WBP2NL: variants seen among roughly 807,000 people sequenced by gnomAD.
WBP2NL encodes the protein WBP2 N-terminal like.
WBP2NL carries 27 observed loss-of-function variants against 23.3 expected under a neutral mutation model. That is an observed-to-expected ratio of 1.16 (90% CI 0.85 to 1.60). WBP2NL has a LOEUF of 1.60. Ranked by LOEUF, WBP2NL falls within the 40% of genes most tolerant of loss-of-function variation. The probability of loss-of-function intolerance (pLI) is 0.00; values close to 1 mark genes in which losing one functional copy is unlikely to be tolerated. For synonymous variants in WBP2NL, 151 were observed against 145.9 expected (o/e 1.03, Z -0.25); for missense variants, 370 against 389.5 (o/e 0.95, Z 0.42).
downstream of WBP2NL, among the ~76,000 whole-genome samples, chr22:42,034,770 T>C (rs563146676): frequency 5.9e-5 from 9 of 152,322 alleles, no homozygotes; most frequent in Non-Finnish European, 1.3e-4. Context: ...TCAGGGACTT[T>C]CCATGCTGAG....
At chr22:42,032,595 C>G, downstream of WBP2NL, 1 of 266,618 alleles carries the variant, frequency 3.8e-6, no homozygotes. Context: ...AAGCCCAATT[C>G]AAATTAATAA....
At chr22:42,043,194 A>G (rs568021402) in intron 8 of WBP2NL, among the ~76,000 whole-genome samples, 4 of 152,208 alleles carry the variant, frequency 2.6e-5, no homozygotes, top group East Asian at 3.9e-4. Context: ...TGGCAGCTCC[A>G]GGTTCATGGA....
chr22:42,041,322 A>G (rs1192516838), intron 8 of WBP2NL, among the ~76,000 whole-genome samples: 1 of 151,976 alleles, frequency 6.6e-6, no homozygotes, highest in Admixed American at 6.6e-5. Flanking sequence ...TCTCTACTAA[A>G]AATATATAAA....
At chr22:42,056,090 C>G (rs955196783) in intron 8 of WBP2NL, among the ~76,000 whole-genome samples, 21 of 152,130 alleles carry the variant, frequency 1.4e-4, no homozygotes, top group Admixed American at 9.8e-4. Flanking sequence ...TCTTAAGTCT[C>G]TTTTGTTCCA....
intron 1 of WBP2NL, among the ~76,000 whole-genome samples, chr22:42,011,571 G>T (rs1274127137): frequency 6.6e-6 from 1 of 151,816 alleles, no homozygotes; most frequent in African/African-American, 2.4e-5. Flanking sequence ...TTTGGTTACT[G>T]ATTCAATTTC....
At chr22:42,056,569 A>G (rs558203796) in intron 8 of WBP2NL, among the ~76,000 whole-genome samples, 2 of 152,272 alleles carry the variant, frequency 1.3e-5, no homozygotes, top group African/African-American at 2.4e-5. Flanking sequence ...GTGGCTAGAG[A>G]TGAACTCTGT....
chr22:42,020,909 T>TATATATATATATATATA (rs1237871030), intron 4 of WBP2NL, among the ~76,000 whole-genome samples: 1 of 27,926 alleles, frequency 3.6e-5, no homozygotes, highest in Non-Finnish European at 7.5e-5. Context: ...TATATATATA[T>TATATATATATATATATA]TTTTTTTTTT....
chr22:41,998,919 G>A lies in WBP2NL; in HGVS notation c.62+39G>A, dbSNP rs373129871. The A allele has an allele frequency of 1.1e-5, 17 of 1,584,926 alleles. No individual in the cohort carries two copies. The African/African-American group carries it at 2.0e-4, about 19-fold the overall frequency. On this transcript the variant is annotated intron_variant, in intron 1 of 5. Transcript: ENST00000328823. Reference sequence around the variant, plus strand: ...AGCACGGCGTGCTGTCGGAGGAGAGGAGACGAATGAGATAGACATGGCGGC... The same window carrying A: ...AGCACGGCGTGCTGTCGGAGGAGAGAAGACGAATGAGATAGACATGGCGGC...
At chr22:42,005,130 T>C (rs1922096241) in intron 1 of WBP2NL, among the ~76,000 whole-genome samples, 1 of 151,686 alleles carries the variant, frequency 6.6e-6, no homozygotes, top group African/African-American at 2.4e-5. Context: ...GGCAGGAGAA[T>C]CACTTGAACC....
chr22:42,023,804 CT>C (rs568447219), intron 5 of WBP2NL, among the ~76,000 whole-genome samples: 7 of 151,236 alleles, frequency 4.6e-5, no homozygotes, highest in South Asian at 2.1e-4. Context: ...CCCTGCCAGC[CT>C]TTTTTTTTAA....
chr22:42,004,293 T>C (rs1921999123), intron 1 of WBP2NL, among the ~76,000 whole-genome samples: 1 of 150,738 alleles, frequency 6.6e-6, no homozygotes, highest in South Asian at 2.1e-4. Flanking sequence ...ATAAATAAAA[T>C]TTAAAAAGAA....
At chr22:42,032,557 A>T (rs1053782031), downstream of WBP2NL, 1 of 253,160 alleles carries the variant, frequency 4.0e-6, no homozygotes, top group Non-Finnish European at 8.5e-6. Flanking sequence ...TTGCTTGAAA[A>T]TCATGTATGT....
At chr22:42,043,752 A>G (rs966423287) in intron 8 of WBP2NL, among the ~76,000 whole-genome samples, 4 of 150,526 alleles carry the variant, frequency 2.7e-5, no homozygotes, top group African/African-American at 4.9e-5. Flanking sequence ...TTTGAGATGG[A>G]GTCTTGCTCT....
At position 42,022,271 on chromosome 22, in the gene WBP2NL, A is replaced by G; in HGVS notation, c.429A>G (p.Arg143=). 1 of 1,614,198 alleles carries G rather than the reference A, an allele frequency of 6.2e-7. No individual in the cohort carries two copies. Among genetic ancestry groups the G allele is most frequent in the Non-Finnish European group, 8.5e-7 (1 of 1,180,036 alleles). ...CAGCTGCCCGAGGATTTCCACTTAG[A>G]ACCTTAAATGACTGGTTCAGCTCTA... ...ASAAARGFPL[R]TLNDWFSSMG... Residue 143 remains arginine, a synonymous_variant, in exon 5 of 6, where the codon AGA becomes AGG. Transcript: ENST00000328823.
intron 1 of WBP2NL, among the ~76,000 whole-genome samples, chr22:42,015,964 A>G (rs1923270657): frequency 6.6e-6 from 1 of 151,944 alleles, no homozygotes; most frequent in African/African-American, 2.4e-5. Flanking sequence ...AGGTAGCAGC[A>G]ACTAATACAT....
At position 42,027,813 on chromosome 22, in the gene WBP2NL, A is replaced by G. The variant is rs1339010439; in HGVS notation, c.*632A>G. ...AGAATAGGAAAAAGTGATTTTCAAC[A>G]TATATATTAATTTATAGTCAGAATA... On this transcript the variant is annotated 3_prime_UTR_variant, in exon 6 of 6. Coordinates refer to ENST00000328823, the MANE Select transcript of WBP2NL (RefSeq NM_152613.3). 1.0e-5 allele frequency: 4 copies of G among 396,580 alleles called. No individual in the cohort carries two copies. The highest frequency in any genetic ancestry group is 3.6e-5 in the East Asian group (1 of 27,982). The allele number at this position is 396,580 out of a possible 1,614,324, so 24.6% of individuals were successfully genotyped here.
chr22:42,007,158 G>A (rs573551604), intron 1 of WBP2NL, among the ~76,000 whole-genome samples: 2 of 152,226 alleles, frequency 1.3e-5, no homozygotes, highest in South Asian at 4.1e-4. Flanking sequence ...TCAATGGCTG[G>A]TATTCCAGTG....
intron 8 of WBP2NL, among the ~76,000 whole-genome samples, chr22:42,049,224 A>G (rs1452250517): frequency 6.6e-6 from 1 of 152,202 alleles, no homozygotes; most frequent in African/African-American, 2.4e-5. Context: ...ATGTTTTACA[A>G]AGGGACCCAG....
At chr22:42,054,893 A>C (rs1925976054) in intron 8 of WBP2NL, among the ~76,000 whole-genome samples, 1 of 152,084 alleles carries the variant, frequency 6.6e-6, no homozygotes, top group African/African-American at 2.4e-5. Context: ...GTGTCTAAAA[A>C]AGAAAAAAAA....
Sources: allele counts gnomAD v4.1 joint callset (sites outside exome capture counted in the v4.1 genomes callset), GRCh38; gene constraint gnomAD v4.1.1; transcripts MANE v1.5; gene names NCBI Gene and HGNC (gene_info 2026-07-23, HGNC 2026-07-21).